The following FAM193A variants were observed in gnomAD, a reference collection of about 807,000 sequenced individuals.
FAM193A encodes protein FAM193A.
FAM193A carries 22 observed loss-of-function variants against 126.5 expected under a neutral mutation model. That is an observed-to-expected ratio of 0.17 (90% confidence interval 0.12 to 0.25). The LOEUF is 0.25. Ranked by LOEUF, FAM193A falls within the 10% of genes least tolerant of loss-of-function variation. FAM193A has a pLI of 1.00. For missense variants in FAM193A, 1,675 were observed against 1,672.8 expected, an observed-to-expected ratio of 1.00 and a Z score of -0.02; for synonymous variants, 761 against 646.8, an observed-to-expected ratio of 1.18 and a Z score of -2.68.
chr4:2,730,334 A>C (rs1031746230), intron 20 of FAM193A, among the ~76,000 whole-genome samples: 1 of 152,220 alleles, frequency 6.6e-6, no homozygotes, highest in African/African-American at 2.4e-5. Flanking sequence ...AGTTGACTTA[A>C]TTAGAAGCTG....
chr4:2,571,016 A>G (rs1204714402), intron 1 of FAM193A, among the ~76,000 whole-genome samples: 1 of 152,152 alleles, frequency 6.6e-6, no homozygotes, highest in African/African-American at 2.4e-5. Context: ...GGGTGTGGGC[A>G]GCTGTCTGTG....
intron 13 of FAM193A, among the ~76,000 whole-genome samples, chr4:2,679,259 C>A (rs1714805206): frequency 6.6e-6 from 1 of 152,056 alleles, no homozygotes. Context: ...GGGAATGAGT[C>A]CCACTTGGTC....
rs766001335 is a variant in FAM193A, at chr4:2,690,896, T to C, written c.2729T>C (p.Val910Ala). 6.2e-7 allele frequency: 1 copy of C among 1,614,218 alleles called. No individual in the cohort carries two copies. The highest frequency in any genetic ancestry group is 8.5e-7 in the Non-Finnish European group (1 of 1,180,026). ...GCCACGTCATCAGCCACGTCCTCTGTGTCCTGCACAGCTACCACAGTGCAG... is the reference window on the plus strand; with the variant it reads ...GCCACGTCATCAGCCACGTCCTCTGCGTCCTGCACAGCTACCACAGTGCAG... ...VMATSSATSS[V>A]SCTATTVQSS... The change falls in exon 15 of 21, where the codon GTG becomes GCG. Residue 910 changes from valine to alanine, a missense_variant. By Grantham distance (64) the Val-to-Ala change is moderately conservative. This residue lies in a region of FAM193A where 1,186 missense variants were observed against 1,109.2 expected (regional missense o/e 1.07). Transcript: ENST00000637812.
chr4:2,550,065 G>C (rs115027070), intron 1 of FAM193A, among the ~76,000 whole-genome samples: 4,181 of 142,216 alleles, frequency 0.029, 216 homozygotes, highest in African/African-American at 0.1. Context: ...GAGACAGAGT[G>C]TCGCTCTGTG....
chr4:2,580,255 G>A (rs545369779), intron 1 of FAM193A, among the ~76,000 whole-genome samples: 13 of 152,182 alleles, frequency 8.5e-5, no homozygotes, highest in East Asian at 5.8e-4. Flanking sequence ...ACCAGATACC[G>A]CATATTCTCG....
At position 2,699,625 on chromosome 4, in the gene FAM193A, A is replaced by G. The variant is rs1717463538; in HGVS notation, c.3508-55A>G. On this transcript the variant is annotated intron_variant, in intron 18 of 20. Transcript: ENST00000637812. ...GAAATTATCTTAGTTTTTCTGTATG[A>G]CTTAATTTTTAGCACTCACTGTAGT... 5 of 1,511,204 alleles carry G rather than the reference A, an allele frequency of 3.3e-6. No homozygotes were observed. The East Asian group carries it at 6.8e-5, about 21-fold the overall frequency. 93.6% of individuals were successfully genotyped at this position (1,511,204 alleles called of 1,614,324 possible).
At chr4:2,545,755 C>T (rs1194503278) in intron 1 of FAM193A, among the ~76,000 whole-genome samples, 6 of 152,192 alleles carry the variant, frequency 3.9e-5, no homozygotes, top group Non-Finnish European at 7.3e-5. Context: ...GACAATGGCT[C>T]ATTGTAGCCT....
chr4:2,696,474 A>G lies in FAM193A; in HGVS notation c.3388A>G (p.Arg1130Gly). ...QPKKMDQISE[R>G]ESVVDHRRVE... is the part of the protein sequence containing the mutation. ...TAAAAAAATGGACCAGATCTCAGAAAGGGAAAGCGTCGTTGACCATCGGAG... is the reference window on the plus strand; with the variant it reads ...TAAAAAAATGGACCAGATCTCAGAAGGGGAAAGCGTCGTTGACCATCGGAG... Residue 1130 changes from arginine to glycine, a missense_variant, in exon 18 of 21, where the codon AGG becomes GGG. Around this residue, in one of 4 missense-constraint regions of FAM193A, gnomAD observed 54 missense variants for 114.8 expected, o/e 0.47. Transcript: ENST00000637812. The G allele has an allele frequency of 2.5e-6, 4 of 1,614,246 alleles. No homozygotes were observed. Among genetic ancestry groups the G allele is most frequent in the Non-Finnish European group, 2.5e-6 (3 of 1,180,034 alleles).
intron 18 of FAM193A, among the ~76,000 whole-genome samples, chr4:2,697,556 C>T (rs1717179038): frequency 6.6e-6 from 1 of 152,122 alleles, no homozygotes; most frequent in Admixed American, 6.5e-5. Context: ...TGGGAAGAGG[C>T]CAGGTTTCTG....
intron 19 of FAM193A, among the ~76,000 whole-genome samples, chr4:2,710,952 T>C (rs1036684506): frequency 3.3e-5 from 5 of 149,730 alleles, no homozygotes; most frequent in Admixed American, 1.3e-4. Context: ...CCCGGGTTCA[T>C]GCCATTCTCC....
chr4:2,642,990 T>C (rs887210274), intron 6 of FAM193A, among the ~76,000 whole-genome samples: 1 of 152,046 alleles, frequency 6.6e-6, no homozygotes, highest in South Asian at 2.1e-4. Context: ...CGTTTGCTCA[T>C]TGGGTATGAT....
At chr4:2,640,405 C>G in intron 6 of FAM193A, among the ~76,000 whole-genome samples, 1 of 152,172 alleles carries the variant, frequency 6.6e-6, no homozygotes, top group African/African-American at 2.4e-5. Context: ...AGCAGTCACT[C>G]ACTGAGTATT....
chr4:2,675,257 A>G (rs1231172434), intron 13 of FAM193A, among the ~76,000 whole-genome samples: 2 of 152,134 alleles, frequency 1.3e-5, no homozygotes, highest in Non-Finnish European at 2.9e-5. Flanking sequence ...CATTATGTCC[A>G]ATTGATTGAT....
At chr4:2,604,951 A>G (rs1371912386) in intron 2 of FAM193A, among the ~76,000 whole-genome samples, 2 of 149,426 alleles carry the variant, frequency 1.3e-5, no homozygotes, top group African/African-American at 4.9e-5. Flanking sequence ...CTGCACGCCA[A>G]CAGTCCTGGA....
At chr4:2,537,422 A>G (rs1197525924) in intron 1 of FAM193A, among the ~76,000 whole-genome samples, 2 of 152,046 alleles carry the variant, frequency 1.3e-5, no homozygotes, top group South Asian at 4.1e-4. Flanking sequence ...CGGGAGGGCT[A>G]CACCGGGGCC....
At chr4:2,601,227 C>CTTTTTTTTT (rs1201989388) in intron 2 of FAM193A, among the ~76,000 whole-genome samples, 8 of 110,654 alleles carry the variant, frequency 7.2e-5, no homozygotes, top group African/African-American at 1.0e-4. Context: ...TCTTCTTCTT[C>CTTTTTTTTT]TTTTTTTTTT....
chr4:2,708,199 C>CA (rs1469490831), intron 19 of FAM193A: 1 of 446,292 alleles, frequency 2.2e-6, no homozygotes, highest in South Asian at 1.6e-5. Flanking sequence ...AATCTTGGCT[C>CA]ACTGCAACCT....
intron 1 of FAM193A, among the ~76,000 whole-genome samples, chr4:2,539,367 CTGAG>C (rs1196709448): frequency 3.9e-5 from 6 of 152,070 alleles, no homozygotes; most frequent in African/African-American, 1.2e-4. Context: ...CTGTGCCCAC[CTGAG>C]TATTATTTTT....
chr4:2,636,881 G>T (rs1744138793), intron 5 of FAM193A, among the ~76,000 whole-genome samples: 1 of 152,158 alleles, frequency 6.6e-6, no homozygotes, highest in African/African-American at 2.4e-5. Flanking sequence ...ACTTGTTTTT[G>T]CTGAACTCAC....
Sources: allele counts gnomAD v4.1 joint callset (sites outside exome capture counted in the v4.1 genomes callset), GRCh38; gene constraint gnomAD v4.1.1; regional missense constraint gnomAD v4.1.1; transcripts MANE v1.5; gene names NCBI Gene and HGNC (gene_info 2026-07-23, HGNC 2026-07-21).